Variants in NRG3 observed in about 807,000 individuals in gnomAD.
NRG3 encodes pro-neuregulin-3, membrane-bound isoform.
Under a neutral mutation model 66.9 loss-of-function variants are expected in NRG3, and 31 were observed. That is an observed-to-expected ratio of 0.46 (90% CI 0.35 to 0.63). The LOEUF (loss-of-function observed/expected upper bound fraction) is 0.63, where lower values mean the gene tolerates loss of function less well. Among genes scored for constraint, NRG3 ranks in the 20% least tolerant of loss-of-function variants. The pLI is 0.00. For missense variants in NRG3, 910 were observed against 878.9 expected (o/e 1.04, Z -0.45); for synonymous variants, 393 against 359.4 (o/e 1.09, Z -1.06).
At chr10:82,156,007 T>A (rs1006098433) in intron 1 of NRG3, among the ~76,000 whole-genome samples, 2 of 151,628 alleles carry the variant, frequency 1.3e-5, no homozygotes, top group Non-Finnish European at 3.0e-5. Flanking sequence ...AATAAGGAAA[T>A]GTTGGGGAAC....
chr10:82,692,346 G>A (rs1456457810), intron 2 of NRG3, among the ~76,000 whole-genome samples: 2 of 151,380 alleles, frequency 1.3e-5, no homozygotes, highest in African/African-American at 4.9e-5. Context: ...TTGGTAAAAA[G>A]AACTAGTACT....
intron 1 of NRG3, among the ~76,000 whole-genome samples, chr10:81,933,062 C>T (rs1426138840): frequency 3.4e-5 from 5 of 146,186 alleles, no homozygotes; most frequent in East Asian, 2.0e-4. Context: ...GAGCTGAGAT[C>T]GTGCCACTGC....
intron 1 of NRG3, among the ~76,000 whole-genome samples, chr10:82,124,430 G>T (rs532667855): frequency 4.6e-5 from 7 of 151,984 alleles, no homozygotes; most frequent in Non-Finnish European, 1.0e-4. Flanking sequence ...TTACCCCAAT[G>T]AGTAAGGATA....
At chr10:81,941,115 C>T (rs1848367677) in intron 1 of NRG3, among the ~76,000 whole-genome samples, 1 of 152,122 alleles carries the variant, frequency 6.6e-6, no homozygotes, top group South Asian at 2.1e-4. Context: ...ATTACTTCCA[C>T]CCATGTTGTT....
At chr10:82,359,557 A>G (rs2083990669) in intron 2 of NRG3, among the ~76,000 whole-genome samples, 1 of 152,178 alleles carries the variant, frequency 6.6e-6, no homozygotes, top group South Asian at 2.1e-4. Context: ...GGGGGGATAA[A>G]GAGTGCACTT....
rs775290342 is a variant in NRG3 at position 81,930,795 on chromosome 10, C to T, written c.823+54632C>T. Among the ~76,000 whole-genome samples the T allele has an allele frequency of 9.2e-5, 14 of 152,168 alleles. 1 individual carries two copies. The stretch of plus-strand genomic sequence containing the variant: ...AGACATTATGCCAGCACATAGGTTA[C>T]ATGTTATGGTGATGAATCTGTAGCT... On this transcript the variant is annotated intron_variant, in intron 1 of 8. Transcript: ENST00000372141.
chr10:82,038,167 C>T (rs2062876083), intron 1 of NRG3, among the ~76,000 whole-genome samples: 1 of 152,140 alleles, frequency 6.6e-6, no homozygotes, highest in Non-Finnish European at 1.5e-5. Context: ...GCACACCCAA[C>T]ATTAAGAGTT....
At chr10:82,550,720 T>C (rs969560146) in intron 2 of NRG3, among the ~76,000 whole-genome samples, 2 of 152,154 alleles carry the variant, frequency 1.3e-5, no homozygotes, top group Non-Finnish European at 1.5e-5. Flanking sequence ...AGTTAGACCA[T>C]GTAAAACCTA....
At chr10:82,641,471 A>C (rs1032744802) in intron 2 of NRG3, among the ~76,000 whole-genome samples, 1 of 152,314 alleles carries the variant, frequency 6.6e-6, no homozygotes, top group African/African-American at 2.4e-5. Context: ...GAAACAAGCA[A>C]GTAAAGAAAC....
chr10:82,258,821 G>A (rs2077870871), intron 1 of NRG3, among the ~76,000 whole-genome samples: 1 of 152,190 alleles, frequency 6.6e-6, no homozygotes, highest in Non-Finnish European at 1.5e-5. Context: ...TAGCTCCCTT[G>A]TGATAGATCC....
At chr10:82,563,692 C>T (rs1704246445) in intron 2 of NRG3, among the ~76,000 whole-genome samples, 2 of 151,814 alleles carry the variant, frequency 1.3e-5, no homozygotes, top group South Asian at 4.1e-4. Context: ...GTGCTATAAA[C>T]AAATCCAGCT....
intron 2 of NRG3, among the ~76,000 whole-genome samples, chr10:82,462,763 G>C (rs529669748): frequency 3.9e-5 from 6 of 152,284 alleles, no homozygotes; most frequent in African/African-American, 1.4e-4. Flanking sequence ...GAATAGTTTT[G>C]GGGAGAAAGA....
rs544550031 is a variant in NRG3, at chr10:82,907,093, A to C, written c.1054+41656A>C. Among the ~76,000 whole-genome samples the C allele has an allele frequency of 7.2e-5, 11 of 152,244 alleles. No individual in the cohort carries two copies. The South Asian group carries it at 1.2e-3, about 17-fold the overall frequency. Reference sequence around the variant, plus strand: ...TCTCAGTTGCCCAGAGAATGAAGAAAATGTTCTTTATCCCATCGCTAAGAG... The same window carrying C: ...TCTCAGTTGCCCAGAGAATGAAGAACATGTTCTTTATCCCATCGCTAAGAG... On this transcript the variant is annotated intron_variant, in intron 4 of 8. Transcript: ENST00000372141.
At chr10:82,031,224 C>G (rs1028668580) in intron 1 of NRG3, among the ~76,000 whole-genome samples, 4 of 152,068 alleles carry the variant, frequency 2.6e-5, no homozygotes, top group Non-Finnish European at 5.9e-5. Flanking sequence ...TCTATTAGTG[C>G]TAAGTCACAT....
chr10:82,651,047 G>A (rs2051372700), intron 2 of NRG3, among the ~76,000 whole-genome samples: 1 of 152,220 alleles, frequency 6.6e-6, no homozygotes, highest in African/African-American at 2.4e-5. Flanking sequence ...TAATTGGGCT[G>A]CTGGTTGAGA....
intron 3 of NRG3, among the ~76,000 whole-genome samples, chr10:82,844,890 C>T (rs1051650478): frequency 2.0e-5 from 3 of 152,144 alleles, no homozygotes; most frequent in Non-Finnish European, 4.4e-5. Context: ...AGTGGTTGCT[C>T]ACGCCTGTAA....
rs145440805 is a variant in NRG3, at chr10:82,224,330, C to T, written c.824-134409C>T. On this transcript the variant is annotated intron_variant, in intron 1 of 8. Transcript: ENST00000372141. Reference sequence around the variant, plus strand: ...AGGCAGCACTATACTCTTTTCTTTGCCAGGTTATCTTCTGCTTCAGGTACA... The same window carrying T: ...AGGCAGCACTATACTCTTTTCTTTGTCAGGTTATCTTCTGCTTCAGGTACA... 1.7e-3 allele frequency: 266 copies of T among 152,230 alleles called. 1 individual carries two copies. The highest frequency in any genetic ancestry group is 5.8e-3 in the African/African-American group (243 of 41,550). The allele number at this position is 152,230 out of a possible 1,614,324, so 9.4% of individuals were successfully genotyped here.
At chr10:82,166,705 T>C in intron 1 of NRG3, 1 of 575,498 alleles carries the variant, frequency 1.7e-6, no homozygotes, top group Non-Finnish European at 3.1e-6. Flanking sequence ...CCATTTCTGG[T>C]GCTCTTCATT....
chr10:82,305,209 A>T (rs2080657337), intron 1 of NRG3, among the ~76,000 whole-genome samples: 1 of 151,774 alleles, frequency 6.6e-6, no homozygotes, highest in East Asian at 1.9e-4. Flanking sequence ...GCTAGCCAGG[A>T]TGGTCTCAAT....
Sources: gnomAD v4.1 joint callset for allele counts (sites outside exome capture counted in the v4.1 genomes callset) on GRCh38, gnomAD v4.1.1 for gene constraint, MANE v1.5 for transcripts, NCBI Gene and HGNC (gene_info 2026-07-23, HGNC 2026-07-21) for gene names.